GBE1: variants seen among roughly 807,000 people sequenced by gnomAD.
The protein encoded by GBE1 is 1,4-alpha-glucan-branching enzyme.
GBE1 carries 70 observed loss-of-function variants against 88.8 expected under a neutral mutation model. The observed-to-expected ratio is 0.79, with a 90% CI of 0.65 to 0.96. The LOEUF is 0.96. Ranked by LOEUF, GBE1 falls within the 40% of genes least tolerant of loss-of-function variation. The pLI, the probability that GBE1 is intolerant of heterozygous loss-of-function variation, is 0.00. For synonymous variants in GBE1, 284 were observed against 300.1 expected (o/e 0.95, Z 0.56); for missense variants, 872 against 871.0 (o/e 1.00, Z -0.01).
chr3:81,544,329 C>T (rs1289865782), intron 12 of GBE1, among the ~76,000 whole-genome samples: 6 of 152,042 alleles, frequency 3.9e-5, no homozygotes, highest in South Asian at 2.1e-4. Flanking sequence ...GTCCAAAATA[C>T]GTATTACAAG....
intron 7 of GBE1, chr3:81,612,168 T>G: frequency 3.2e-6 from 1 of 316,322 alleles, no homozygotes; most frequent in South Asian, 3.3e-5. Context: ...TTATCAAGAT[T>G]ACGTATCTAC....
At chr3:81,523,002 A>G (rs1702894778) in intron 14 of GBE1, among the ~76,000 whole-genome samples, 1 of 151,494 alleles carries the variant, frequency 6.6e-6, no homozygotes, top group East Asian at 1.9e-4. Context: ...ACCTATAGAC[A>G]TTTAAGCAGA....
chr3:81,675,475 G>A (rs1261648237), intron 2 of GBE1, among the ~76,000 whole-genome samples: 1 of 151,910 alleles, frequency 6.6e-6, no homozygotes, highest in East Asian at 1.9e-4. Context: ...AACATGAGAA[G>A]ACAACATGCG....
rs1262338572 is a variant in GBE1 at position 81,750,651 on chromosome 3, ATATATATG to A, written c.143+10716_143+10723del. ...TATACGTATATATATATATGTATAT[ATATATATG>A]TATATATATATATACGTATATATAT... is the stretch of plus-strand genomic sequence containing the variant. On this transcript the variant is annotated intron_variant, in intron 1 of 15. Coordinates refer to ENST00000429644, the MANE Select transcript of GBE1 (RefSeq NM_000158.4). 7.1e-3 allele frequency among the ~76,000 whole-genome samples: 449 copies of A among 63,628 alleles called. 41 individuals carry two copies. The highest frequency in any genetic ancestry group is 0.02 in the African/African-American group (192 of 9,808). The allele number at this position is 63,628 out of a possible 152,430, so 41.7% of individuals were successfully genotyped here.
intron 1 of GBE1, among the ~76,000 whole-genome samples, chr3:81,746,819 A>G (rs1368148418): frequency 6.6e-6 from 1 of 152,166 alleles, no homozygotes; most frequent in East Asian, 1.9e-4. Flanking sequence ...CTGGCTTCCT[A>G]AAGTTTAGGG....
chr3:81,492,882 C>CA (rs1417775979), intron 15 of GBE1, among the ~76,000 whole-genome samples: 1 of 152,004 alleles, frequency 6.6e-6, no homozygotes. Context: ...GTATTACAGG[C>CA]ATGCAACACC....
In GBE1 at chr3:81,490,476, A is replaced by G; in HGVS notation, c.2053-13T>C. On this transcript the variant is annotated splice_polypyrimidine_tract_variant and intron_variant, in intron 15 of 15. Transcript: ENST00000429644. ...TTGGAATGTACACCTACGTCAAAAC[A>G]ATTATGTCAGTGCAATTGAAGAAAG... is the stretch of plus-strand genomic sequence containing the variant. 6.2e-7 allele frequency: 1 copy of G among 1,608,322 alleles called. No homozygotes were observed. Among genetic ancestry groups the G allele is most frequent in the Non-Finnish European group, 8.5e-7 (1 of 1,175,692 alleles).
chr3:81,614,107 T>C (rs1451827667), intron 7 of GBE1, among the ~76,000 whole-genome samples: 3 of 152,184 alleles, frequency 2.0e-5, no homozygotes, highest in Admixed American at 1.3e-4. Flanking sequence ...CTGAAACTCC[T>C]GGGGTCAAGT....
At chr3:81,659,329 T>C (rs1576188997) in intron 3 of GBE1, among the ~76,000 whole-genome samples, 1 of 151,622 alleles carries the variant, frequency 6.6e-6, no homozygotes, top group Admixed American at 6.6e-5. Flanking sequence ...GCAATCATTC[T>C]TTTTTTATTT....
chr3:81,622,329 TTC>T (rs1276989827), intron 7 of GBE1, among the ~76,000 whole-genome samples: 2 of 152,228 alleles, frequency 1.3e-5, no homozygotes, highest in Non-Finnish European at 2.9e-5. Flanking sequence ...CACTAACTCC[TTC>T]TAAAACATGC....
At chr3:81,727,372 T>C (rs894301143) in intron 1 of GBE1, among the ~76,000 whole-genome samples, 1 of 152,204 alleles carries the variant, frequency 6.6e-6, no homozygotes, top group African/African-American at 2.4e-5. Flanking sequence ...TCAGAAGATC[T>C]CTAATCCTAC....
In GBE1 at chr3:81,721,628, T is replaced by C. The variant is rs1706037561; in HGVS notation, c.144-16015A>G. On this transcript the variant is annotated intron_variant, in intron 1 of 15. Coordinates refer to ENST00000429644, the MANE Select transcript of GBE1 (RefSeq NM_000158.4). ...AGTATTATAAATTTATCTGCTGACA[T>C]ATTTTCCCTACCAGATTATAGGTGC... Among the ~76,000 whole-genome samples, 4 of 152,318 alleles carry C rather than the reference T, an allele frequency of 2.6e-5. No homozygotes were observed. In the South Asian group the frequency reaches 6.2e-4, roughly 24 times the overall value.
intron 3 of GBE1, among the ~76,000 whole-genome samples, chr3:81,662,700 C>T (rs1705048423): frequency 6.6e-6 from 1 of 150,982 alleles, no homozygotes; most frequent in Non-Finnish European, 1.5e-5. Flanking sequence ...TGAAAGTTAC[C>T]AATGTTACTT....
chr3:81,582,179 T>C (rs1160360393), intron 10 of GBE1, among the ~76,000 whole-genome samples: 3 of 152,076 alleles, frequency 2.0e-5, no homozygotes, highest in Admixed American at 2.0e-4. Context: ...GTTCTGATCA[T>C]TGCAGTGCGA....
At chr3:81,741,681 T>C (rs1706350372) in intron 1 of GBE1, among the ~76,000 whole-genome samples, 1 of 151,678 alleles carries the variant, frequency 6.6e-6, no homozygotes, top group Non-Finnish European at 1.5e-5. Flanking sequence ...ATCACACAAG[T>C]TCTATGTATA....
intron 12 of GBE1, among the ~76,000 whole-genome samples, chr3:81,567,001 A>G (rs1328480068): frequency 6.6e-6 from 1 of 152,122 alleles, no homozygotes; most frequent in Non-Finnish European, 1.5e-5. Flanking sequence ...TCGAACTGCT[A>G]TCTTATTTAT....
At position 81,736,356 on chromosome 3, in the gene GBE1, AACCAGGCAAATTGCTGGAGCCAT is replaced by A. The variant is rs1706257745; in HGVS notation, c.143+24996_143+25018del. ...TGCTGAACCCAAGTTTGAATCAAATAACCAGGCAAATTGCTGGAGCCATTTCCAGGTGCTGAAGTTAACACATT... is the reference window on the plus strand; with the variant it reads ...TGCTGAACCCAAGTTTGAATCAAATATTCCAGGTGCTGAAGTTAACACATT... On this transcript the variant is annotated intron_variant, in intron 1 of 15. Coordinates refer to ENST00000429644, the MANE Select transcript of GBE1 (RefSeq NM_000158.4). Among the ~76,000 whole-genome samples, 5 of 152,338 alleles carry A rather than the reference AACCAGGCAAATTGCTGGAGCCAT, an allele frequency of 3.3e-5. No homozygotes were observed. The South Asian group carries it at 1.0e-3, about 32-fold the overall frequency.
At chr3:81,543,015 A>T (rs905111987) in intron 12 of GBE1, among the ~76,000 whole-genome samples, 1 of 152,110 alleles carries the variant, frequency 6.6e-6, no homozygotes, top group African/African-American at 2.4e-5. Context: ...TTATATTTTA[A>T]CTTTTATTTC....
chr3:81,631,375 A>G (rs565437105), intron 7 of GBE1, among the ~76,000 whole-genome samples: 6 of 152,234 alleles, frequency 3.9e-5, no homozygotes, highest in African/African-American at 1.2e-4. Flanking sequence ...CATAAAATCT[A>G]CACAGTAATC....
Sources: allele counts gnomAD v4.1 joint callset (sites outside exome capture counted in the v4.1 genomes callset), GRCh38; gene constraint gnomAD v4.1.1; transcripts MANE v1.5; gene names NCBI Gene and HGNC (gene_info 2026-07-23, HGNC 2026-07-21).